The following TRAPPC9 variants were observed in gnomAD, a reference collection of about 807,000 sequenced individuals.
TRAPPC9 encodes the protein trafficking protein particle complex subunit 9.
In TRAPPC9, 83 loss-of-function variants were observed where a neutral mutation model predicts 124.0. The ratio of observed to expected loss-of-function variants is 0.67; its 90% CI spans 0.56 to 0.80. TRAPPC9 has a LOEUF of 0.80. Ranked by LOEUF, TRAPPC9 falls within the 30% of genes least tolerant of loss-of-function variation. The probability of loss-of-function intolerance (pLI) is 0.00; values close to 1 mark genes in which losing one functional copy is unlikely to be tolerated. For synonymous variants in TRAPPC9, 638 were observed against 617.5 expected (o/e 1.03, Z -0.49); for missense variants, 1,302 against 1,508.3 (o/e 0.86, Z 2.27).
chr8:139,859,835 C>T (rs185085002), intron 21 of TRAPPC9, among the ~76,000 whole-genome samples: 189 of 152,286 alleles, frequency 1.2e-3, no homozygotes, highest in African/African-American at 2.9e-3. Flanking sequence ...GAAGGAACCA[C>T]GATAGGAGAG....
intron 17 of TRAPPC9, among the ~76,000 whole-genome samples, chr8:140,118,785 A>G (rs1165548726): frequency 1.3e-5 from 2 of 152,188 alleles, no homozygotes; most frequent in African/African-American, 4.8e-5. Context: ...AGGAAGGACA[A>G]GAAGCCACAG....
intron 18 of TRAPPC9, among the ~76,000 whole-genome samples, chr8:140,020,507 GT>G (rs1024302280): frequency 1.3e-5 from 2 of 152,072 alleles, no homozygotes; most frequent in Admixed American, 1.3e-4. Context: ...TGCACCTGTA[GT>G]TTTAGCTACT....
At chr8:139,784,770 T>C (rs1297484683) in intron 21 of TRAPPC9, among the ~76,000 whole-genome samples, 1 of 151,808 alleles carries the variant, frequency 6.6e-6, no homozygotes, top group Non-Finnish European at 1.5e-5. Context: ...CGTGTGAGAC[T>C]GGTATGTGGA....
chr8:140,294,024 C>T (rs1188987860), intron 11 of TRAPPC9, among the ~76,000 whole-genome samples: 2 of 152,044 alleles, frequency 1.3e-5, no homozygotes, highest in East Asian at 1.9e-4. Flanking sequence ...ATGTTATGCC[C>T]GTTCTACAAA....
At chr8:139,947,907 T>TATAGAGAG in intron 19 of TRAPPC9, among the ~76,000 whole-genome samples, 1 of 60,360 alleles carries the variant, frequency 1.7e-5, no homozygotes, top group Non-Finnish European at 3.3e-5. Flanking sequence ...TATATATATA[T>TATAGAGAG]AGAGAGAGAG....
chr8:140,200,251 A>C (rs2062756579), intron 17 of TRAPPC9, among the ~76,000 whole-genome samples: 1 of 151,306 alleles, frequency 6.6e-6, no homozygotes, highest in Non-Finnish European at 1.5e-5. Flanking sequence ...TAGGTTTCCT[A>C]GCGCTATCCA....
intron 7 of TRAPPC9, among the ~76,000 whole-genome samples, chr8:140,390,142 A>C (rs2068884668): frequency 6.6e-6 from 1 of 152,144 alleles, no homozygotes; most frequent in Non-Finnish European, 1.5e-5. Context: ...CATCTGTACT[A>C]AAAATACAAA....
chr8:140,272,130 C>CGATGGTGATGGTGATGGTGGCGATGGT (rs1554657974), intron 15 of TRAPPC9, among the ~76,000 whole-genome samples: 6 of 100,378 alleles, frequency 6.0e-5, no homozygotes, highest in Non-Finnish European at 8.9e-5. Context: ...GTGATGGTGG[C>CGATGGTGATGGTGATGGTGGCGATGGT]GATGGTGATG....
At chr8:140,349,916 C>T (rs1206111875) in intron 9 of TRAPPC9, among the ~76,000 whole-genome samples, 6 of 152,226 alleles carry the variant, frequency 3.9e-5, no homozygotes, top group African/African-American at 1.2e-4. Flanking sequence ...CAATGCCTCT[C>T]TCACTCAGCT....
chr8:140,328,344 G>A (rs980165914), intron 9 of TRAPPC9, among the ~76,000 whole-genome samples: 3 of 152,034 alleles, frequency 2.0e-5, no homozygotes, highest in African/African-American at 7.2e-5. Context: ...AAAATACTTA[G>A]GTAGAAATCT....
chr8:139,766,714 G>A (rs1030212456), intron 21 of TRAPPC9, among the ~76,000 whole-genome samples: 3 of 152,166 alleles, frequency 2.0e-5, no homozygotes, highest in South Asian at 2.1e-4. Context: ...TAAGGTCCCC[G>A]CTCCTGAGGT....
At chr8:140,118,312 T>C (rs888231123) in intron 17 of TRAPPC9, among the ~76,000 whole-genome samples, 3 of 152,174 alleles carry the variant, frequency 2.0e-5, no homozygotes, top group Admixed American at 6.5e-5. Flanking sequence ...CCCCAGAATA[T>C]AGGTAGCGCC....
At position 140,214,305 on chromosome 8, in the gene TRAPPC9, C is replaced by T. The variant is rs561211734; in HGVS notation, c.2556+7154G>A. ...TGCAGTTGGGGGAAGCCAGGCTAGG[C>T]AGCACTAAGTACCTGGCCAAAGGCC... is the stretch of plus-strand genomic sequence containing the variant. On this transcript the variant is annotated intron_variant, in intron 17 of 22. Transcript: ENST00000438773. Among the ~76,000 whole-genome samples the T allele has an allele frequency of 2.7e-3, 406 of 152,298 alleles. 2 individuals are homozygous for T. The highest frequency in any genetic ancestry group is 2.9e-3 in the Non-Finnish European group (197 of 68,028).
At position 140,221,486 on chromosome 8, in the gene TRAPPC9, G is replaced by A. The variant is rs2063336706; in HGVS notation, c.2529C>T (p.Asn843=). 6.2e-7 allele frequency: 1 copy of A among 1,614,148 alleles called. No homozygotes were observed. The highest frequency in any genetic ancestry group is 8.5e-7 in the Non-Finnish European group (1 of 1,180,022). The change falls in exon 17 of 23, where the codon AAC becomes AAT. Residue 843 remains asparagine, a synonymous_variant. Coordinates refer to ENST00000438773, the MANE Select transcript of TRAPPC9 (RefSeq NM_001160372.4). ...EGKPVNPPES[N]KAGDYSHVKT... ...TCACGTGGCTGTAGTCGCCTGCTTTGTTGCTCTCGGGTGGGTTCACAGGTT... is the reference window on the plus strand; with the variant it reads ...TCACGTGGCTGTAGTCGCCTGCTTTATTGCTCTCGGGTGGGTTCACAGGTT...
Position 140,066,441 on chromosome 8 carries a change from C to T in TRAPPC9, c.2557-42362G>A, listed in dbSNP as rs144659083. On this transcript the variant is annotated intron_variant, in intron 17 of 22. Coordinates refer to ENST00000438773, the MANE Select transcript of TRAPPC9 (RefSeq NM_001160372.4). Reference sequence around the variant, plus strand: ...TGCTGTGTTTAATGTCGCTCCCCCACGGGCCACACAATGAATATCTCTTGA... The same window carrying T: ...TGCTGTGTTTAATGTCGCTCCCCCATGGGCCACACAATGAATATCTCTTGA... 1.3e-4 allele frequency among the ~76,000 whole-genome samples: 20 copies of T among 152,274 alleles called. No homozygotes were observed. The East Asian group carries it at 2.5e-3, about 19-fold the overall frequency.
chr8:140,337,743 A>T (rs1588172136), intron 9 of TRAPPC9, among the ~76,000 whole-genome samples: 1 of 152,134 alleles, frequency 6.6e-6, no homozygotes, highest in South Asian at 2.1e-4. Context: ...TGGCTGTGGG[A>T]ACAGAGGGAG....
rs1287647920 is a variant in TRAPPC9, at chr8:140,454,555, G to A, written c.-11+3084C>T. On this transcript the variant is annotated intron_variant, in intron 1 of 22. Transcript: ENST00000438773. ...CTCAGGAGGCTGAGGCAGGAGAATC[G>A]CTTGAACCCAGGAGATGGGGGTTGC... Among the ~76,000 whole-genome samples the A allele has an allele frequency of 6.8e-5, 10 of 147,172 alleles. No individual in the cohort carries two copies. In the South Asian group the frequency reaches 8.7e-4, roughly 13 times the overall value.
intron 21 of TRAPPC9, among the ~76,000 whole-genome samples, chr8:139,820,197 G>A (rs1253191133): frequency 6.6e-6 from 1 of 151,646 alleles, no homozygotes; most frequent in African/African-American, 2.4e-5. Flanking sequence ...TTTTATTTTT[G>A]TGAGATGGAG....
chr8:140,182,280 C>G lies in TRAPPC9; in HGVS notation c.2556+39179G>C, dbSNP rs2062221999. On this transcript the variant is annotated intron_variant, in intron 17 of 22. Transcript: ENST00000438773. This position sits in a 1 kb window ranked among gnomAD's most constrained non-coding sequence, Gnocchi z 4.0. Reference sequence around the variant, plus strand: ...GCAGGCAAATGTTTCCGAAGCCTGCCTTTCCCTAAGACCTTGGTCTATTCA... The same window carrying G: ...GCAGGCAAATGTTTCCGAAGCCTGCGTTTCCCTAAGACCTTGGTCTATTCA... Among the ~76,000 whole-genome samples, 1 of 151,864 alleles carries G rather than the reference C, an allele frequency of 6.6e-6. No individual in the cohort carries two copies. Among genetic ancestry groups the G allele is most frequent in the Non-Finnish European group, 1.5e-5 (1 of 67,972 alleles).
Sources: allele counts gnomAD v4.1 joint callset (sites outside exome capture counted in the v4.1 genomes callset), GRCh38; gene constraint gnomAD v4.1.1; non-coding constraint Gnocchi (gnomAD v3.1); transcripts MANE v1.5; gene names NCBI Gene and HGNC (gene_info 2026-07-23, HGNC 2026-07-21).